The following GRHL2 variants were observed in gnomAD, a reference collection of about 807,000 sequenced individuals.
GRHL2 encodes grainyhead-like protein 2 homolog.
In GRHL2, 21 loss-of-function variants were observed where a neutral mutation model predicts 83.8. The observed-to-expected ratio is 0.25, with a 90% CI of 0.18 to 0.36. GRHL2 has a LOEUF of 0.36. GRHL2 is among the 10% of genes least tolerant of loss of function. The pLI, the probability that GRHL2 is intolerant of heterozygous loss-of-function variation, is 1.00. For missense variants in GRHL2, 623 were observed against 781.8 expected (o/e 0.80, Z 2.42); for synonymous variants, 280 against 278.9 (o/e 1.00, Z -0.04).
At chr8:101,516,549 C>T (rs748036802) in intron 1 of GRHL2, among the ~76,000 whole-genome samples, 4 of 151,694 alleles carry the variant, frequency 2.6e-5, no homozygotes, top group Non-Finnish European at 5.9e-5. Flanking sequence ...TCCCAAGTAG[C>T]TGGGACTACA....
At chr8:101,615,267 T>G (rs1054627986) in intron 8 of GRHL2, among the ~76,000 whole-genome samples, 1 of 152,228 alleles carries the variant, frequency 6.6e-6, no homozygotes, top group African/African-American at 2.4e-5. Flanking sequence ...CTGTCCCACT[T>G]AAATGGCCCT....
At chr8:101,573,095 G>T (rs1406073034) in intron 5 of GRHL2, among the ~76,000 whole-genome samples, 1 of 152,148 alleles carries the variant, frequency 6.6e-6, no homozygotes, top group Non-Finnish European at 1.5e-5. Context: ...GAGTTCTTCC[G>T]CAGGCTTGAA....
chr8:101,535,513 C>T (rs1811027144), intron 1 of GRHL2, among the ~76,000 whole-genome samples: 1 of 152,038 alleles, frequency 6.6e-6, no homozygotes, highest in Admixed American at 6.6e-5. Context: ...TCTGACAGCT[C>T]AGTGACAGTT....
chr8:101,552,874 G>T, intron 3 of GRHL2, 92 bp downstream of exon 3: 5 of 1,203,966 alleles, frequency 4.2e-6, no homozygotes, highest in Admixed American at 2.0e-5. Flanking sequence ...GAGGAGATGG[G>T]GTCAAGAAGC....
chr8:101,671,024 AG>A (rs1783927909), downstream of GRHL2, among the ~76,000 whole-genome samples: 1 of 152,150 alleles, frequency 6.6e-6, no homozygotes, highest in Non-Finnish European at 1.5e-5. Flanking sequence ...GATGGTGAAA[AG>A]GCACCAAGGG....
intron 1 of GRHL2, among the ~76,000 whole-genome samples, chr8:101,509,246 T>TGTGTGTGTG (rs1810416630): frequency 9.5e-5 from 13 of 136,682 alleles, no homozygotes; most frequent in East Asian, 2.1e-4. Flanking sequence ...TGTGTGTGTG[T>TGTGTGTGTG]TTTGGCCTAT....
rs532023501 is a variant in GRHL2 at position 101,517,237 on chromosome 8, A to G, written c.20+24448A>G. On this transcript the variant is annotated intron_variant, in intron 1 of 15. Transcript: ENST00000646743. ...TTATGGAACTTCATCCGGGGCTTTCAGCAGTCTTCTCCCTGCCCCCTTCCC... is the reference window on the plus strand; with the variant it reads ...TTATGGAACTTCATCCGGGGCTTTCGGCAGTCTTCTCCCTGCCCCCTTCCC... 1.2e-4 allele frequency among the ~76,000 whole-genome samples: 19 copies of G among 152,316 alleles called. 1 individual carries two copies. In the South Asian group the frequency reaches 3.9e-3, roughly 32 times the overall value.
intron 1 of GRHL2, among the ~76,000 whole-genome samples, chr8:101,519,984 A>G (rs1331054798): frequency 6.6e-6 from 1 of 152,238 alleles, no homozygotes; most frequent in East Asian, 1.9e-4. Context: ...AATTTTAATC[A>G]GGCAAACTCA....
At chr8:101,670,437 A>ACTT (rs1290276606), downstream of GRHL2, among the ~76,000 whole-genome samples, 1 of 152,216 alleles carries the variant, frequency 6.6e-6, no homozygotes, top group African/African-American at 2.4e-5. Flanking sequence ...CCCTTGACCA[A>ACTT]CTTCAACCCC....
In GRHL2 at chr8:101,666,681, A is replaced by C. The variant is rs200589830; in HGVS notation, c.1856A>C (p.Lys619Thr). 2 of 1,611,816 alleles carry C rather than the reference A, an allele frequency of 1.2e-6. No individual in the cohort carries two copies. The highest frequency in any genetic ancestry group is 1.7e-6 in the Non-Finnish European group (2 of 1,177,950). The change falls in exon 16 of 16, where the codon AAG becomes ACG. Residue 619 changes from lysine to threonine, a missense_variant. Physicochemically the swap from Lys to Thr is moderately conservative, Grantham distance 78. Coordinates refer to ENST00000646743, the MANE Select transcript of GRHL2 (RefSeq NM_024915.4). Reference protein sequence around the residue: ...LNMESMVEGFKVTLMEI With the variant: ...LNMESMVEGFTVTLMEI ...ATGGAGAGCATGGTGGAGGGCTTCA[A>C]GGTCACGCTCATGGAAATCTAGCCC... is the stretch of plus-strand genomic sequence containing the variant.
intron 1 of GRHL2, chr8:101,529,162 C>T: frequency 3.6e-6 from 1 of 278,950 alleles, no homozygotes; most frequent in Non-Finnish European, 6.9e-6. Flanking sequence ...CTTCAGCATG[C>T]CCTGAAAAAT....
chr8:101,632,408 G>A (rs1813204157), intron 11 of GRHL2, 43 bp downstream of exon 11: 2 of 1,611,044 alleles, frequency 1.2e-6, no homozygotes, highest in African/African-American at 1.3e-5. Context: ...CCATCCACAG[G>A]GCAAGTAGGG....
chr8:101,581,554 C>G (rs746092088), intron 7 of GRHL2, among the ~76,000 whole-genome samples: 4 of 152,200 alleles, frequency 2.6e-5, no homozygotes, highest in Non-Finnish European at 4.4e-5. Context: ...TTGATTTTCT[C>G]TGAGTGAGAA....
intron 13 of GRHL2, among the ~76,000 whole-genome samples, chr8:101,646,288 G>A (rs897959231): frequency 1.3e-5 from 2 of 152,078 alleles, no homozygotes; most frequent in Non-Finnish European, 2.9e-5. Context: ...CAAGAATCAC[G>A]GAATCACACA....
chr8:101,663,931 T>C (rs1235334266), intron 14 of GRHL2, among the ~76,000 whole-genome samples: 2 of 152,092 alleles, frequency 1.3e-5, no homozygotes, highest in East Asian at 3.9e-4. Context: ...ACTGCGTTTT[T>C]AAAGTTGTGT....
chr8:101,613,849 AT>A (rs1178582577), intron 8 of GRHL2, among the ~76,000 whole-genome samples: 5 of 150,478 alleles, frequency 3.3e-5, no homozygotes, highest in Admixed American at 6.6e-5. Flanking sequence ...TTGGAAAAGA[AT>A]TTTTTTTTCA....
At chr8:101,546,599 G>A (rs1811271108) in intron 2 of GRHL2, among the ~76,000 whole-genome samples, 1 of 152,004 alleles carries the variant, frequency 6.6e-6, no homozygotes, top group Admixed American at 6.6e-5. Context: ...ATTTTTAGTA[G>A]AGACGGGATT....
chr8:101,511,011 GA>G lies in GRHL2; in HGVS notation c.20+18224del, dbSNP rs546164392. ...AGCCACTCAGGAGGCTGAGGCAAGA[GA>G]ATCGCTTGAACCTGGGAGGTGGAGG... On this transcript the variant is annotated intron_variant, in intron 1 of 15. Transcript: ENST00000646743. Among the ~76,000 whole-genome samples the G allele has an allele frequency of 9.9e-5, 15 of 152,218 alleles. No individual in the cohort carries two copies. In the South Asian group the frequency reaches 1.9e-3, roughly 19 times the overall value.
At chr8:101,611,715 C>G (rs1205292094) in intron 8 of GRHL2, among the ~76,000 whole-genome samples, 3 of 150,852 alleles carry the variant, frequency 2.0e-5, no homozygotes, top group Non-Finnish European at 2.9e-5. Flanking sequence ...CTCTATCTGC[C>G]TTGGCCTCAG....
Sources: gnomAD v4.1 joint callset for allele counts (sites outside exome capture counted in the v4.1 genomes callset) on GRCh38, gnomAD v4.1.1 for gene constraint, MANE v1.5 for transcripts, NCBI Gene and HGNC (gene_info 2026-07-23, HGNC 2026-07-21) for gene names.